Variants in NUBPL observed in about 807,000 individuals in gnomAD.
NUBPL encodes NUBP iron-sulfur cluster assembly factor, mitochondrial.
Under a neutral mutation model 45.7 loss-of-function variants are expected in NUBPL, and 31 were observed. The observed-to-expected ratio is 0.68, with a 90% CI of 0.51 to 0.92. The LOEUF (loss-of-function observed/expected upper bound fraction) is 0.92, where lower values mean the gene tolerates loss of function less well. Among genes scored for constraint, NUBPL ranks in the 40% least tolerant of loss-of-function variants. The pLI is 0.00. For synonymous variants in NUBPL, 144 were observed against 140.9 expected (o/e 1.02, Z -0.15); for missense variants, 401 against 398.7 (o/e 1.01, Z -0.05).
rs887055859 is a variant in NUBPL at position 31,706,010 on chromosome 14, C to T, written c.513+32436C>T. On this transcript the variant is annotated intron_variant, in intron 6 of 10. Transcript: ENST00000281081. ...CCTCCCCACAAGCAGAGGGAGTCAG[C>T]TCTGGTCTTGGCCAGCCCCAGGTAG... 2.0e-5 allele frequency among the ~76,000 whole-genome samples: 3 copies of T among 152,216 alleles called. 1 individual carries two copies. Among genetic ancestry groups the T allele is most frequent in the African/African-American group, 4.8e-5 (2 of 41,468 alleles).
At chr14:31,826,834 T>A in intron 8 of NUBPL, 120 bp downstream of exon 8, 1 of 879,240 alleles carries the variant, frequency 1.1e-6, no homozygotes, top group Non-Finnish European at 1.9e-6. Context: ...ATGAAAGTCC[T>A]AGTTTATCAT....
rs1595588865 is a variant in NUBPL, at chr14:31,757,246, C to G, written c.514-30534C>G. Among the ~76,000 whole-genome samples the G allele has an allele frequency of 2.3e-5, 3 of 132,584 alleles. No individual in the cohort carries two copies. The East Asian group carries it at 7.5e-4, about 33-fold the overall frequency. The allele number at this position is 132,584 out of a possible 152,430, so 87.0% of individuals were successfully genotyped here. ...GAGTTAGGGAGGATTCCCTCTTTTT[C>G]TGTTGATTGGAATAGTTTCAGAAGG... On this transcript the variant is annotated intron_variant, in intron 6 of 10. Coordinates refer to ENST00000281081, the MANE Select transcript of NUBPL (RefSeq NM_025152.3).
chr14:31,662,479 C>A (rs2036296403), intron 4 of NUBPL, among the ~76,000 whole-genome samples: 1 of 151,984 alleles, frequency 6.6e-6, no homozygotes, highest in Non-Finnish European at 1.5e-5. Context: ...CTGCCCCCCA[C>A]CCACCGACAG....
chr14:31,812,360 C>T (rs952872809), intron 7 of NUBPL, among the ~76,000 whole-genome samples: 15 of 152,338 alleles, frequency 9.8e-5, no homozygotes, highest in African/African-American at 3.4e-4. Flanking sequence ...AGACGCCCCT[C>T]CCCCAGCCAG....
intron 4 of NUBPL, among the ~76,000 whole-genome samples, chr14:31,661,157 A>C (rs2036258986): frequency 6.6e-6 from 1 of 152,348 alleles, no homozygotes; most frequent in East Asian, 1.9e-4. Flanking sequence ...TAATAGAGTG[A>C]GAAGGATGCA....
At chr14:31,842,493 T>C (rs1488596892) in intron 8 of NUBPL, among the ~76,000 whole-genome samples, 1 of 152,234 alleles carries the variant, frequency 6.6e-6, no homozygotes, top group Admixed American at 6.5e-5. Flanking sequence ...TTTTCCTTTC[T>C]GAAATAGGGC....
chr14:31,673,061 A>G (rs1028271393), intron 4 of NUBPL, among the ~76,000 whole-genome samples: 3 of 152,202 alleles, frequency 2.0e-5, no homozygotes, highest in Admixed American at 2.0e-4. Flanking sequence ...ATTGTTAACA[A>G]TCATTTTTTG....
At chr14:31,730,704 G>A (rs12436727) in intron 6 of NUBPL, among the ~76,000 whole-genome samples, 44,837 of 151,872 alleles carry the variant, frequency 0.3, 7,477 homozygotes, top group South Asian at 0.41. Flanking sequence ...CTGACCTCAT[G>A]ATCCATCCAC....
intron 4 of NUBPL, among the ~76,000 whole-genome samples, chr14:31,634,482 C>A (rs940916817): frequency 2.0e-5 from 3 of 151,970 alleles, no homozygotes; most frequent in Non-Finnish European, 2.9e-5. Context: ...TTAATCCAGT[C>A]TATCATTGTT....
At chr14:31,768,497 A>G (rs2038952812) in intron 6 of NUBPL, among the ~76,000 whole-genome samples, 1 of 152,212 alleles carries the variant, frequency 6.6e-6, no homozygotes, top group Non-Finnish European at 1.5e-5. Flanking sequence ...AAAGTATGCC[A>G]TTTAGAAGAA....
At chr14:31,831,463 T>TACCATACC (rs1566587826) in intron 8 of NUBPL, among the ~76,000 whole-genome samples, 4 of 56,302 alleles carry the variant, frequency 7.1e-5, no homozygotes, top group African/African-American at 9.0e-5. Flanking sequence ...TATACTATAC[T>TACCATACC]GTACTATACC....
chr14:31,725,709 CTTTTT>C (rs375160082), intron 6 of NUBPL, among the ~76,000 whole-genome samples: 12 of 104,958 alleles, frequency 1.1e-4, no homozygotes, highest in African/African-American at 3.4e-4. Context: ...TAGATTTCAG[CTTTTT>C]TTTTTTTTTT....
At chr14:31,740,882 C>T (rs2038268075) in intron 6 of NUBPL, among the ~76,000 whole-genome samples, 1 of 152,190 alleles carries the variant, frequency 6.6e-6, no homozygotes, top group South Asian at 2.1e-4. Flanking sequence ...ACTCTTTCTT[C>T]AGCCATTTCC....
intron 6 of NUBPL, among the ~76,000 whole-genome samples, chr14:31,772,791 T>A (rs2039031207): frequency 6.6e-6 from 1 of 152,160 alleles, no homozygotes; most frequent in African/African-American, 2.4e-5. Context: ...TTCTTTTATC[T>A]CTTAAAATTG....
Position 31,860,920 on chromosome 14 carries a change from G to A in NUBPL, c.*1740G>A, listed in dbSNP as rs1165278788. On this transcript the variant is annotated 3_prime_UTR_variant, in exon 11 of 11. Coordinates refer to ENST00000281081, the MANE Select transcript of NUBPL (RefSeq NM_025152.3). ...TACCAAAAGATTCCATTTATATAAC[G>A]TTCTTGAAGTGACATAATTATAGAA... The A allele has an allele frequency of 1.3e-5, 2 of 152,092 alleles. No homozygotes were observed. The highest frequency in any genetic ancestry group is 6.6e-5 in the Admixed American group (1 of 15,266). The allele number at this position is 152,092 out of a possible 1,614,324, so 9.4% of individuals were successfully genotyped here.
chr14:31,783,131 C>T (rs2039222997), intron 6 of NUBPL, among the ~76,000 whole-genome samples: 1 of 152,188 alleles, frequency 6.6e-6, no homozygotes, highest in Non-Finnish European at 1.5e-5. Context: ...TCAAATCCAT[C>T]TCCCTGAACT....
intron 3 of NUBPL, among the ~76,000 whole-genome samples, chr14:31,584,076 A>G (rs1306264882): frequency 6.6e-6 from 1 of 152,022 alleles, no homozygotes; most frequent in Non-Finnish European, 1.5e-5. Context: ...TTACCGTTTT[A>G]CCTACTATTA....
intron 6 of NUBPL, among the ~76,000 whole-genome samples, chr14:31,736,661 A>G (rs1013173552): frequency 2.0e-5 from 3 of 152,194 alleles, no homozygotes; most frequent in Non-Finnish European, 4.4e-5. Flanking sequence ...TGCCATAAAC[A>G]TCCATGTGTA....
chr14:31,703,774 A>G (rs2037387464), intron 6 of NUBPL, among the ~76,000 whole-genome samples: 1 of 152,240 alleles, frequency 6.6e-6, no homozygotes, highest in South Asian at 2.1e-4. Context: ...GCCAAGCCAT[A>G]TCAATTTGCA....
Sources: gnomAD v4.1 joint callset for allele counts (sites outside exome capture counted in the v4.1 genomes callset) on GRCh38, gnomAD v4.1.1 for gene constraint, MANE v1.5 for transcripts, NCBI Gene and HGNC (gene_info 2026-07-23, HGNC 2026-07-21) for gene names.